GRID1: variants seen among roughly 807,000 people sequenced by gnomAD.
GRID1 encodes the protein glutamate receptor ionotropic, delta-1.
Under a neutral mutation model 98.0 loss-of-function variants are expected in GRID1, and 28 were observed. The ratio of observed to expected loss-of-function variants is 0.29; its 90% CI spans 0.21 to 0.39. The LOEUF (loss-of-function observed/expected upper bound fraction) is 0.39, where lower values mean the gene tolerates loss of function less well. Ranked by LOEUF, GRID1 falls within the 10% of genes least tolerant of loss-of-function variation. GRID1 has a pLI of 1.00. For missense variants in GRID1, 1,111 were observed against 1,340.5 expected (o/e 0.83, Z 2.67); for synonymous variants, 553 against 538.5 (o/e 1.03, Z -0.37).
intron 5 of GRID1, among the ~76,000 whole-genome samples, chr10:85,889,787 C>T (rs2131808549): frequency 6.6e-6 from 1 of 152,292 alleles, no homozygotes; most frequent in South Asian, 2.1e-4. Flanking sequence ...TACTAATTTA[C>T]ATTCTCACCA....
At chr10:86,352,395 G>A (rs1848475499) in intron 2 of GRID1, among the ~76,000 whole-genome samples, 1 of 152,208 alleles carries the variant, frequency 6.6e-6, no homozygotes, top group Non-Finnish European at 1.5e-5. Flanking sequence ...CCATAGACAG[G>A]TGGATTAAAC....
chr10:85,837,216 C>A (rs548245958), intron 8 of GRID1, among the ~76,000 whole-genome samples: 4 of 152,284 alleles, frequency 2.6e-5, no homozygotes, highest in East Asian at 1.9e-4. Flanking sequence ...ACAACCTGAG[C>A]AATCACTAGC....
intron 13 of GRID1, among the ~76,000 whole-genome samples, chr10:85,628,829 G>A (rs1401656578): frequency 2.0e-5 from 3 of 152,184 alleles, no homozygotes; most frequent in Admixed American, 1.3e-4. Flanking sequence ...GCTCCTGGCT[G>A]CAGCCCAGAG....
At chr10:85,853,560 C>T (rs1231719418) in intron 8 of GRID1, among the ~76,000 whole-genome samples, 1 of 152,226 alleles carries the variant, frequency 6.6e-6, no homozygotes, top group African/African-American at 2.4e-5. Context: ...GGCCCATCTA[C>T]ACCATGAGTA....
At chr10:86,147,809 C>T (rs995915436) in intron 3 of GRID1, among the ~76,000 whole-genome samples, 3 of 152,296 alleles carry the variant, frequency 2.0e-5, no homozygotes, top group South Asian at 4.2e-4. Flanking sequence ...AGAACCCCGA[C>T]CACATTTTAT....
At chr10:85,950,828 C>T (rs1013436826) in intron 4 of GRID1, among the ~76,000 whole-genome samples, 8 of 152,142 alleles carry the variant, frequency 5.3e-5, no homozygotes, top group African/African-American at 1.2e-4. Flanking sequence ...AGGTTCCAGC[C>T]GGATATGCAC....
chr10:86,064,834 C>A (rs917325356), intron 4 of GRID1, among the ~76,000 whole-genome samples: 1 of 152,234 alleles, frequency 6.6e-6, no homozygotes, highest in Non-Finnish European at 1.5e-5. Flanking sequence ...TGGAAAATTC[C>A]TATTCATTCT....
chr10:86,264,061 T>C (rs1847064690), intron 2 of GRID1, among the ~76,000 whole-genome samples: 1 of 152,186 alleles, frequency 6.6e-6, no homozygotes, highest in Admixed American at 6.5e-5. Flanking sequence ...ATTGGCAGCA[T>C]GAGCTCCTGG....
chr10:86,067,232 A>G (rs1589359205), intron 4 of GRID1, among the ~76,000 whole-genome samples: 1 of 152,350 alleles, frequency 6.6e-6, no homozygotes, highest in East Asian at 1.9e-4. Context: ...AGGCGGCTCC[A>G]GCAGTACAGA....
chr10:86,266,260 CA>C (rs1326745483), intron 2 of GRID1, among the ~76,000 whole-genome samples: 1 of 152,114 alleles, frequency 6.6e-6, no homozygotes, highest in East Asian at 1.9e-4. Context: ...GACCTGCCAC[CA>C]ACCCCCAATG....
intron 2 of GRID1, among the ~76,000 whole-genome samples, chr10:86,359,724 A>C (rs372585885): frequency 1.3e-5 from 2 of 152,254 alleles, no homozygotes; most frequent in South Asian, 4.1e-4. Flanking sequence ...GGAAATGAGA[A>C]GACTCGTGCT....
intron 4 of GRID1, among the ~76,000 whole-genome samples, chr10:85,923,716 T>C (rs970138283): frequency 6.6e-6 from 1 of 152,178 alleles, no homozygotes; most frequent in Non-Finnish European, 1.5e-5. Flanking sequence ...AAAACCCATA[T>C]GGTTTCTACC....
chr10:85,972,933 T>C (rs1001559103), intron 4 of GRID1, among the ~76,000 whole-genome samples: 4 of 152,186 alleles, frequency 2.6e-5, no homozygotes, highest in Non-Finnish European at 5.9e-5. Flanking sequence ...ATAGATATAA[T>C]AGATATAAGA....
rs528907782 is a variant in GRID1, at chr10:85,915,425, C to A, written c.780+761G>T. Among the ~76,000 whole-genome samples the A allele has an allele frequency of 5.3e-5, 8 of 152,000 alleles. 1 individual carries two copies. The highest frequency in any genetic ancestry group is 2.6e-4 in the Admixed American group (4 of 15,266). Reference sequence around the variant, plus strand: ...TGCACACCCCTGTACATACACTCAACACATTCAATTCACACACAAAGACAC... The same window carrying A: ...TGCACACCCCTGTACATACACTCAAAACATTCAATTCACACACAAAGACAC... On this transcript the variant is annotated intron_variant, in intron 5 of 15. Transcript: ENST00000327946.
chr10:85,759,114 A>G (rs1564581529), intron 8 of GRID1, among the ~76,000 whole-genome samples: 1 of 152,224 alleles, frequency 6.6e-6, no homozygotes, highest in Non-Finnish European at 1.5e-5. Context: ...AGCCAACTCC[A>G]GTCTCTGAGT....
At chr10:85,955,686 G>T (rs1191415912) in intron 4 of GRID1, among the ~76,000 whole-genome samples, 5 of 152,188 alleles carry the variant, frequency 3.3e-5, no homozygotes, top group African/African-American at 1.2e-4. Flanking sequence ...AGCAAGTGGA[G>T]ACTCCAGGCT....
intron 4 of GRID1, among the ~76,000 whole-genome samples, chr10:85,942,918 C>G (rs897705059): frequency 3.9e-5 from 6 of 152,172 alleles, no homozygotes; most frequent in Admixed American, 6.5e-5. Flanking sequence ...ACAGTAGAAG[C>G]ATATCATACA....
At chr10:85,725,140 C>T (rs2132653186) in intron 10 of GRID1, among the ~76,000 whole-genome samples, 1 of 152,096 alleles carries the variant, frequency 6.6e-6, no homozygotes, top group East Asian at 1.9e-4. Context: ...TCTATTATCC[C>T]ACATTGATCT....
At chr10:86,217,750 G>A (rs2132027115) in intron 2 of GRID1, among the ~76,000 whole-genome samples, 2 of 152,282 alleles carry the variant, frequency 1.3e-5, no homozygotes, top group East Asian at 3.9e-4. Flanking sequence ...GGCTCAGGGA[G>A]GGAGCTACAC....
Sources: allele counts gnomAD v4.1 joint callset (sites outside exome capture counted in the v4.1 genomes callset), GRCh38; gene constraint gnomAD v4.1.1; transcripts MANE v1.5; gene names NCBI Gene and HGNC (gene_info 2026-07-23, HGNC 2026-07-21).